The following TIAM2 variants were observed in gnomAD, a reference collection of about 807,000 sequenced individuals.
The protein encoded by TIAM2 is TIAM Rac1 associated GEF 2, also known as rho guanine nucleotide exchange factor TIAM2.
In TIAM2, 80 loss-of-function variants were observed where a neutral mutation model predicts 152.9. That is an observed-to-expected ratio of 0.52 (90% CI 0.44 to 0.63). TIAM2 has a LOEUF of 0.63. Among genes scored for constraint, TIAM2 ranks in the 30% least tolerant of loss-of-function variants. The pLI, the probability that TIAM2 is intolerant of heterozygous loss-of-function variation, is 0.00. For synonymous variants in TIAM2, 804 were observed against 838.0 expected (o/e 0.96, Z 0.70); for missense variants, 1,965 against 2,120.1 (o/e 0.93, Z 1.44).
At chr6:155,245,124 C>T (rs1783246209) in intron 18 of TIAM2, among the ~76,000 whole-genome samples, 1 of 152,160 alleles carries the variant, frequency 6.6e-6, no homozygotes. Flanking sequence ...TCCTTCTTCC[C>T]CGTGGTCATG....
At chr6:155,052,659 G>A (rs1200182985) in intron 1 of TIAM2, among the ~76,000 whole-genome samples, 2 of 151,718 alleles carry the variant, frequency 1.3e-5, no homozygotes, top group African/African-American at 4.8e-5. Flanking sequence ...CCAGCGACTC[G>A]GGAGGCTAAG....
At chr6:155,247,392 G>C (rs966995514) in intron 19 of TIAM2, among the ~76,000 whole-genome samples, 1 of 151,998 alleles carries the variant, frequency 6.6e-6, no homozygotes, top group Non-Finnish European at 1.5e-5. Context: ...GCAGTGGCGC[G>C]ATCTTGGCTC....
intron 2 of TIAM2, among the ~76,000 whole-genome samples, chr6:155,101,955 G>A (rs1276582920): frequency 6.6e-6 from 1 of 151,766 alleles, no homozygotes; most frequent in Non-Finnish European, 1.5e-5. Context: ...GCCTGCCTTG[G>A]CCTCCCAAAG....
chr6:155,192,405 C>G (rs1273261778), intron 14 of TIAM2, among the ~76,000 whole-genome samples: 4 of 152,152 alleles, frequency 2.6e-5, no homozygotes, highest in Non-Finnish European at 4.4e-5. Flanking sequence ...ATTGTCATTA[C>G]TCTAGTTTTA....
chr6:155,116,732 T>C (rs1451408752), intron 2 of TIAM2, among the ~76,000 whole-genome samples: 1 of 152,180 alleles, frequency 6.6e-6, no homozygotes, highest in East Asian at 1.9e-4. Context: ...TGATGCTGTT[T>C]AAGTTTTGAT....
At chr6:155,244,557 G>C in intron 17 of TIAM2, 101 bp from the exon 18 acceptor site, 1 of 1,395,096 alleles carries the variant, frequency 7.2e-7, no homozygotes, top group Non-Finnish European at 9.8e-7. Flanking sequence ...CTGCTTTTCC[G>C]TGAAGAATTT....
intron 2 of TIAM2, among the ~76,000 whole-genome samples, chr6:155,095,701 A>T (rs1778405269): frequency 6.6e-6 from 1 of 152,140 alleles, no homozygotes; most frequent in East Asian, 1.9e-4. Flanking sequence ...TCTCTTTGGA[A>T]CTCAAATTCA....
intron 4 of TIAM2, among the ~76,000 whole-genome samples, chr6:155,135,229 G>A (rs1218120984): frequency 6.6e-6 from 1 of 152,046 alleles, no homozygotes; most frequent in African/African-American, 2.4e-5. Context: ...CTGGGTATTT[G>A]GAAGTACTCT....
rs111520055 is a variant in TIAM2, at chr6:155,080,312, C to A, written c.-208-9977C>A. Among the ~76,000 whole-genome samples the A allele has an allele frequency of 2.5e-4, 38 of 151,912 alleles. 1 individual carries two copies. The highest frequency in any genetic ancestry group is 6.4e-3 in the Middle Eastern group (2 of 314). Reference sequence around the variant, plus strand: ...TTGTCAGTGGGAGGAAATGAAAACACTTACGGAGAGTGCTTAAGAGAGAAT... The same window carrying A: ...TTGTCAGTGGGAGGAAATGAAAACAATTACGGAGAGTGCTTAAGAGAGAAT... On this transcript the variant is annotated intron_variant, in intron 1 of 26. Transcript: ENST00000682666.
chr6:155,007,505 T>C (rs547552985), intron 1 of TIAM2, among the ~76,000 whole-genome samples: 34 of 152,184 alleles, frequency 2.2e-4, no homozygotes, highest in African/African-American at 7.7e-4. Flanking sequence ...AAGGAAATTT[T>C]TAAGGAAAAC....
chr6:155,140,608 G>T (rs1020310054), intron 5 of TIAM2, among the ~76,000 whole-genome samples: 8 of 147,446 alleles, frequency 5.4e-5, no homozygotes, highest in Non-Finnish European at 1.2e-4. Context: ...GAGAGAGAGA[G>T]AGAGAGAGAA....
At chr6:155,112,260 G>A (rs553012266) in intron 2 of TIAM2, among the ~76,000 whole-genome samples, 2 of 151,888 alleles carry the variant, frequency 1.3e-5, no homozygotes, top group African/African-American at 4.8e-5. Context: ...CAAGCAGCTG[G>A]GATTACAGGC....
chr6:155,141,059 G>A (rs1779692681), intron 5 of TIAM2, among the ~76,000 whole-genome samples: 1 of 152,136 alleles, frequency 6.6e-6, no homozygotes, highest in South Asian at 2.1e-4. Context: ...GGTAGTGATG[G>A]GCCTGAGTTG....
intron 14 of TIAM2, among the ~76,000 whole-genome samples, chr6:155,185,523 TTTATTTATTTATTTA>T (rs869133793): frequency 6.6e-6 from 1 of 150,688 alleles, no homozygotes; most frequent in African/African-American, 2.5e-5. Flanking sequence ...TATTTATTTA[TTTATTTATTTATTTA>T]TTGGCAAGGA....
intron 1 of TIAM2, among the ~76,000 whole-genome samples, chr6:155,000,262 C>T (rs560089758): frequency 2.0e-5 from 3 of 152,108 alleles, no homozygotes; most frequent in African/African-American, 2.4e-5. Flanking sequence ...GGGCTGGGTG[C>T]GGTGGCTCAC....
intron 4 of TIAM2, among the ~76,000 whole-genome samples, chr6:155,134,450 T>C (rs905492238): frequency 2.1e-5 from 3 of 146,098 alleles, no homozygotes; most frequent in African/African-American, 7.6e-5. Context: ...GGTTAAACAT[T>C]TAAAAGTTGG....
At chr6:155,182,836 G>C (rs545154142) in intron 13 of TIAM2, among the ~76,000 whole-genome samples, 2 of 152,214 alleles carry the variant, frequency 1.3e-5, no homozygotes, top group Non-Finnish European at 2.9e-5. Flanking sequence ...CTTGAACCGG[G>C]GAGACAGAGG....
At chr6:155,069,602 A>C (rs1357657194) in intron 1 of TIAM2, among the ~76,000 whole-genome samples, 1 of 144,694 alleles carries the variant, frequency 6.9e-6, no homozygotes, top group Non-Finnish European at 1.5e-5. Flanking sequence ...GACATAAGGA[A>C]TTATACTGTA....
intron 26 of TIAM2, 107 bp from the exon 27 acceptor site, chr6:155,256,374 TATC>T: frequency 6.7e-7 from 1 of 1,483,718 alleles, no homozygotes; most frequent in Non-Finnish European, 9.1e-7. Flanking sequence ...ACTGAAGTCA[TATC>T]ATAAAATAAA....
Sources: allele counts gnomAD v4.1 joint callset (sites outside exome capture counted in the v4.1 genomes callset), GRCh38; gene constraint gnomAD v4.1.1; transcripts MANE v1.5; gene names NCBI Gene and HGNC (gene_info 2026-07-23, HGNC 2026-07-21).